Variants in CSMD3 observed in about 807,000 individuals in gnomAD.
CSMD3 encodes CUB and sushi domain-containing protein 3.
A neutral mutation model predicts 435.2 loss-of-function variants in CSMD3; 177 were observed. That is an observed-to-expected ratio of 0.41 (90% CI 0.36 to 0.46). The LOEUF (loss-of-function observed/expected upper bound fraction) is 0.46. CSMD3 is among the 20% of genes least tolerant of loss of function. The pLI, the probability that CSMD3 is intolerant of heterozygous loss-of-function variation, is 0.34. For missense variants in CSMD3, 4,265 were observed against 4,504.6 expected (o/e 0.95, Z 1.52); for synonymous variants, 1,656 against 1,520.5 (o/e 1.09, Z -2.07).
At chr8:112,308,320 T>C (rs1586726848) in intron 50 of CSMD3, among the ~76,000 whole-genome samples, 1 of 152,096 alleles carries the variant, frequency 6.6e-6, no homozygotes, top group African/African-American at 2.4e-5. Flanking sequence ...TATTCATTGT[T>C]GGTGTAGTAT....
At position 112,468,273 on chromosome 8, in the gene CSMD3, C is replaced by A. The variant is rs116087025; in HGVS notation, c.5395+4318G>T. On this transcript the variant is annotated intron_variant, in intron 32 of 70. Coordinates refer to ENST00000297405, the MANE Select transcript of CSMD3 (RefSeq NM_198123.2). ...TTTTTTTTTACCAATTGATCCACCT[C>A]ATATCTTCAGCTTTGTCTTCTCTAC... Among the ~76,000 whole-genome samples, 1,351 of 135,766 alleles carry A rather than the reference C, an allele frequency of 1.0e-2. 26 individuals carry two copies. The highest frequency in any genetic ancestry group is 0.035 in the African/African-American group (1,264 of 36,406). 89.1% of individuals were successfully genotyped at this position (135,766 alleles called of 152,430 possible).
chr8:112,272,663 T>C (rs1168874605), intron 59 of CSMD3, among the ~76,000 whole-genome samples: 1 of 152,116 alleles, frequency 6.6e-6, no homozygotes, highest in Non-Finnish European at 1.5e-5. Context: ...AATGTGAGTC[T>C]AGGACAATTC....
At chr8:112,894,018 T>C (rs1015778152) in intron 10 of CSMD3, among the ~76,000 whole-genome samples, 2 of 151,400 alleles carry the variant, frequency 1.3e-5, no homozygotes, top group African/African-American at 4.8e-5. Flanking sequence ...GTAAAATACA[T>C]TGGATTTAAA....
intron 56 of CSMD3, among the ~76,000 whole-genome samples, chr8:112,290,724 G>A (rs894563333): frequency 7.2e-5 from 11 of 151,796 alleles, no homozygotes; most frequent in African/African-American, 2.2e-4. Context: ...AAAAATGAAC[G>A]ATTTCTTCAC....
chr8:112,442,399 A>T (rs1280393901), intron 32 of CSMD3, among the ~76,000 whole-genome samples: 1 of 152,176 alleles, frequency 6.6e-6, no homozygotes, highest in Non-Finnish European at 1.5e-5. Context: ...CATAATCATC[A>T]TTATCATCAG....
intron 13 of CSMD3, among the ~76,000 whole-genome samples, chr8:112,775,679 A>T (rs2078227159): frequency 1.3e-5 from 2 of 152,034 alleles, no homozygotes; most frequent in South Asian, 4.1e-4. Flanking sequence ...GATGTGACAA[A>T]CTAAAAATAA....
chr8:113,289,087 C>T (rs2132517799), intron 2 of CSMD3, among the ~76,000 whole-genome samples: 1 of 150,488 alleles, frequency 6.6e-6, no homozygotes, highest in South Asian at 2.1e-4. Flanking sequence ...GGGCAGGTTA[C>T]TTGCCTCTCC....
intron 2 of CSMD3, among the ~76,000 whole-genome samples, chr8:113,302,264 T>TATA (rs2093776496): frequency 8.8e-6 from 1 of 113,738 alleles, no homozygotes; most frequent in East Asian, 2.3e-4. Flanking sequence ...ATATAAAATA[T>TATA]ATATAATATA....
intron 22 of CSMD3, among the ~76,000 whole-genome samples, chr8:112,631,401 C>A (rs909195440): frequency 4.0e-5 from 6 of 151,862 alleles, no homozygotes; most frequent in Non-Finnish European, 7.4e-5. Context: ...TTTGCCCACC[C>A]CTGGTCTATT....
chr8:112,228,598 G>T (rs1215496238), intron 70 of CSMD3, among the ~76,000 whole-genome samples, 158 bp downstream of exon 70: 1 of 152,136 alleles, frequency 6.6e-6, no homozygotes, highest in African/African-American at 2.4e-5. Flanking sequence ...GGGGTGGTTA[G>T]GGGAAATAAA....
intron 11 of CSMD3, among the ~76,000 whole-genome samples, chr8:112,842,519 C>A (rs924563033): frequency 6.8e-6 from 1 of 147,486 alleles, no homozygotes. Context: ...GTAGTAGTTA[C>A]AATAGTAATA....
chr8:112,598,346 C>T (rs1396067245), intron 22 of CSMD3, among the ~76,000 whole-genome samples: 1 of 151,384 alleles, frequency 6.6e-6, no homozygotes, highest in East Asian at 1.9e-4. Context: ...GAACTACAAA[C>T]CACTTCTCGA....
At chr8:113,268,508 T>C (rs1383703550) in intron 3 of CSMD3, among the ~76,000 whole-genome samples, 2 of 151,872 alleles carry the variant, frequency 1.3e-5, no homozygotes, top group Non-Finnish European at 2.9e-5. Context: ...TGCAACTAGA[T>C]ATTCATTAGA....
chr8:112,594,869 C>T (rs1831542732), intron 22 of CSMD3, among the ~76,000 whole-genome samples: 1 of 151,652 alleles, frequency 6.6e-6, no homozygotes, highest in Non-Finnish European at 1.5e-5. Context: ...ATCTGTACAT[C>T]ACCATCATCA....
rs573597016 is a variant in CSMD3, at chr8:112,683,442, CAGG to C, written c.2483-809_2483-807del. Among the ~76,000 whole-genome samples the C allele has an allele frequency of 1.1e-3, 165 of 152,054 alleles. 2 individuals carry two copies. The highest frequency in any genetic ancestry group is 3.8e-3 in the African/African-American group (157 of 41,522). On this transcript the variant is annotated intron_variant, in intron 15 of 70. Transcript: ENST00000297405. ...ATTTGTCTCATGTATCTCAGGAGAA[CAGG>C]AGTTCTTGAGCTCAGGGCCACTATC...
At chr8:112,695,358 C>T (rs1321386824) in intron 13 of CSMD3, among the ~76,000 whole-genome samples, 1 of 152,040 alleles carries the variant, frequency 6.6e-6, no homozygotes, top group African/African-American at 2.4e-5. Context: ...ATATTATTTT[C>T]TTTCTCCTTT....
intron 6 of CSMD3, among the ~76,000 whole-genome samples, chr8:113,016,838 C>T (rs76390842): frequency 3.3e-5 from 5 of 151,786 alleles, no homozygotes; most frequent in Admixed American, 6.6e-5. Flanking sequence ...GATTTTGCAG[C>T]CATTTAAGTT....
At chr8:113,006,157 T>G (rs2086047577) in intron 6 of CSMD3, among the ~76,000 whole-genome samples, 1 of 152,052 alleles carries the variant, frequency 6.6e-6, no homozygotes, top group Non-Finnish European at 1.5e-5. Flanking sequence ...AATAAATTCC[T>G]TTCTTTGTTC....
intron 59 of CSMD3, among the ~76,000 whole-genome samples, chr8:112,280,486 G>A (rs1462713880): frequency 1.2e-5 from 1 of 82,240 alleles, no homozygotes; most frequent in Non-Finnish European, 2.7e-5. Context: ...TTCCCAGGGT[G>A]ATCTCAAACT....
Sources: allele counts gnomAD v4.1 joint callset (sites outside exome capture counted in the v4.1 genomes callset), GRCh38; gene constraint gnomAD v4.1.1; transcripts MANE v1.5; gene names NCBI Gene and HGNC (gene_info 2026-07-23, HGNC 2026-07-21).